Variants in ATG10 observed in about 807,000 individuals in gnomAD.
ATG10 encodes the protein autophagy related 10, also known as ubiquitin-like-conjugating enzyme ATG10.
A neutral mutation model predicts 32.1 loss-of-function variants in ATG10; 30 were observed. The observed-to-expected ratio is 0.94, with a 90% CI of 0.70 to 1.27. The LOEUF (loss-of-function observed/expected upper bound fraction) is 1.27. Among genes scored for constraint, ATG10 ranks in the 50% most tolerant of loss-of-function variants. The pLI, the probability that ATG10 is intolerant of heterozygous loss-of-function variation, is 0.00. For synonymous variants in ATG10, 87 were observed against 91.5 expected (o/e 0.95, Z 0.28); for missense variants, 233 against 262.3 (o/e 0.89, Z 0.77).
chr5:82,087,633 G>C (rs1356980985), intron 3 of ATG10, among the ~76,000 whole-genome samples: 1 of 152,126 alleles, frequency 6.6e-6, no homozygotes, highest in Non-Finnish European at 1.5e-5. Flanking sequence ...GACTGTCAAA[G>C]CCCTGCTCTC....
chr5:82,053,868 C>T (rs757473597), intron 2 of ATG10, among the ~76,000 whole-genome samples: 1 of 152,082 alleles, frequency 6.6e-6, no homozygotes, highest in Non-Finnish European at 1.5e-5. Flanking sequence ...GCCAAGTTGC[C>T]AGAAATTAGT....
At chr5:82,119,445 TG>T in intron 3 of ATG10, among the ~76,000 whole-genome samples, 1 of 152,140 alleles carries the variant, frequency 6.6e-6, no homozygotes, top group East Asian at 1.9e-4. Context: ...TTGTTTGATT[TG>T]TAAGGCTTTA....
chr5:82,136,126 G>T (rs578114206), intron 3 of ATG10, among the ~76,000 whole-genome samples: 2 of 152,020 alleles, frequency 1.3e-5, no homozygotes, highest in African/African-American at 2.4e-5. Flanking sequence ...GTCTTTGCAC[G>T]TGAGATGGGT....
chr5:82,205,251 T>C (rs1214571327), intron 5 of ATG10, among the ~76,000 whole-genome samples: 1 of 152,112 alleles, frequency 6.6e-6, no homozygotes, highest in African/African-American at 2.4e-5. Flanking sequence ...CAGAATGTGG[T>C]TTGATGCCTG....
intron 4 of ATG10, among the ~76,000 whole-genome samples, chr5:82,173,640 A>G (rs947809213): frequency 6.6e-6 from 1 of 152,158 alleles, no homozygotes; most frequent in Non-Finnish European, 1.5e-5. Context: ...CTTCTTTTTC[A>G]AGTATTCAAG....
At chr5:81,986,915 C>A (rs958006112) in intron 1 of ATG10, among the ~76,000 whole-genome samples, 1 of 151,946 alleles carries the variant, frequency 6.6e-6, no homozygotes, top group Non-Finnish European at 1.5e-5. Context: ...TGGTGGCTTG[C>A]AACTGTAATC....
chr5:82,219,288 GA>G (rs1034649142), intron 5 of ATG10, among the ~76,000 whole-genome samples: 3 of 152,134 alleles, frequency 2.0e-5, no homozygotes, highest in Non-Finnish European at 4.4e-5. Context: ...GGTCACATTT[GA>G]GTTTATTTTC....
chr5:82,119,953 G>T (rs1298904349), intron 3 of ATG10, among the ~76,000 whole-genome samples: 1 of 151,614 alleles, frequency 6.6e-6, no homozygotes, highest in African/African-American at 2.4e-5. Flanking sequence ...AACACTTGAA[G>T]AATTATTTGG....
chr5:82,103,253 A>C (rs997332866), intron 3 of ATG10, among the ~76,000 whole-genome samples: 7 of 152,208 alleles, frequency 4.6e-5, no homozygotes, highest in Non-Finnish European at 8.8e-5. Flanking sequence ...TTGGTCTAGT[A>C]AAATGTAAAA....
intron 3 of ATG10, among the ~76,000 whole-genome samples, chr5:82,112,232 C>T (rs1345541578): frequency 6.6e-6 from 1 of 151,904 alleles, no homozygotes; most frequent in African/African-American, 2.4e-5. Context: ...TCCTCTTTAT[C>T]ATGCATAGCC....
At chr5:82,197,534 T>G (rs1016542378) in intron 5 of ATG10, among the ~76,000 whole-genome samples, 16 of 152,088 alleles carry the variant, frequency 1.1e-4, no homozygotes, top group African/African-American at 3.1e-4. Flanking sequence ...CTGTCTGTCT[T>G]TCTTGGGAAT....
chr5:82,044,661 CT>C (rs1763184608), intron 2 of ATG10, among the ~76,000 whole-genome samples: 2 of 152,096 alleles, frequency 1.3e-5, no homozygotes, highest in African/African-American at 4.8e-5. Context: ...AGCGTTTAGA[CT>C]AGGTCTGATT....
At chr5:82,090,672 C>T (rs6882294) in intron 3 of ATG10, among the ~76,000 whole-genome samples, 36,066 of 152,052 alleles carry the variant, frequency 0.24, 4,564 homozygotes, top group African/African-American at 0.33. Flanking sequence ...TGGAAATGCT[C>T]TGTATCTTCA....
chr5:82,019,458 C>CT (rs1288938265), intron 2 of ATG10, among the ~76,000 whole-genome samples: 3 of 152,086 alleles, frequency 2.0e-5, no homozygotes, highest in African/African-American at 7.2e-5. Flanking sequence ...ACAAAAGACT[C>CT]TAAGTAACTA....
At chr5:82,095,873 A>AG (rs767690559) in intron 3 of ATG10, among the ~76,000 whole-genome samples, 9 of 152,124 alleles carry the variant, frequency 5.9e-5, no homozygotes, top group Non-Finnish European at 1.0e-4. Flanking sequence ...TTTTCTTAAA[A>AG]CAAGTTGTTA....
intron 4 of ATG10, among the ~76,000 whole-genome samples, chr5:82,172,710 G>T (rs10061458): frequency 6.6e-6 from 1 of 151,896 alleles, no homozygotes; most frequent in East Asian, 1.9e-4. Context: ...GAACCATATA[G>T]GTTAAATTAA....
chr5:82,106,759 T>TA (rs1321476222), intron 3 of ATG10, among the ~76,000 whole-genome samples: 3 of 151,934 alleles, frequency 2.0e-5, no homozygotes, highest in African/African-American at 7.3e-5. Context: ...AGTGTATGAA[T>TA]AAACATTCCC....
intron 2 of ATG10, among the ~76,000 whole-genome samples, chr5:81,988,921 C>G (rs570527384): frequency 2.6e-5 from 4 of 152,130 alleles, no homozygotes; most frequent in African/African-American, 9.6e-5. Context: ...TCTCTGCCTC[C>G]TGGTTCAAGC....
rs1166784267 is a variant in ATG10 at position 82,037,234 on chromosome 5, C to CTTTT, written c.109-21233_109-21230dup. 7.8e-3 allele frequency among the ~76,000 whole-genome samples: 289 copies of CTTTT among 36,962 alleles called. 98 individuals carry two copies. The highest frequency in any genetic ancestry group is 0.017 in the South Asian group (12 of 690). The allele number at this position is 36,962 out of a possible 152,430, so 24.2% of individuals were successfully genotyped here. On this transcript the variant is annotated intron_variant, in intron 2 of 7. Transcript: ENST00000282185. The stretch of plus-strand genomic sequence containing the variant: ...ACTTTTTGTAATAAGATCTCATTTA[C>CTTTT]TTTTTTTTTTTTTTTTTTTTTTTTT...
Sources: gnomAD v4.1 joint callset for allele counts (sites outside exome capture counted in the v4.1 genomes callset) on GRCh38, gnomAD v4.1.1 for gene constraint, MANE v1.5 for transcripts, NCBI Gene and HGNC (gene_info 2026-07-23, HGNC 2026-07-21) for gene names.